ZBTB20: variants seen among roughly 807,000 people sequenced by gnomAD.
ZBTB20 encodes the protein zinc finger and BTB domain containing 20, also known as zinc finger and BTB domain-containing protein 20.
Under a neutral mutation model 56.9 loss-of-function variants are expected in ZBTB20, and 9 were observed. The ratio of observed to expected loss-of-function variants is 0.16; its 90% confidence interval spans 0.10 to 0.28. The LOEUF (loss-of-function observed/expected upper bound fraction) is 0.28. Among genes scored for constraint, ZBTB20 ranks in the 10% least tolerant of loss-of-function variants. The pLI, the probability that ZBTB20 is intolerant of heterozygous loss-of-function variation, is 1.00. For missense variants in ZBTB20, 655 were observed against 1,003.0 expected (o/e 0.65, Z 4.69); for synonymous variants, 417 against 420.7 (o/e 0.99, Z 0.11).
intron 6 of ZBTB20, among the ~76,000 whole-genome samples, chr3:114,644,743 T>C (rs896141279): frequency 6.6e-6 from 1 of 152,098 alleles, no homozygotes; most frequent in African/African-American, 2.4e-5. Context: ...CATCACACAA[T>C]ATTCCTATGG....
At chr3:114,469,785 T>C (rs1284959430) in intron 7 of ZBTB20, among the ~76,000 whole-genome samples, 9 of 152,166 alleles carry the variant, frequency 5.9e-5, no homozygotes, top group Non-Finnish European at 1.3e-4. Flanking sequence ...CTCCCTCTCT[T>C]ATCATGATGT....
intron 2 of ZBTB20, among the ~76,000 whole-genome samples, chr3:115,012,601 C>T (rs145881664): frequency 6.6e-6 from 1 of 151,736 alleles, no homozygotes; most frequent in African/African-American, 2.4e-5. Context: ...TAGAGATAGA[C>T]CCCAATACTA....
intron 1 of ZBTB20, among the ~76,000 whole-genome samples, chr3:115,127,626 A>C (rs1217543105): frequency 1.3e-5 from 2 of 152,140 alleles, no homozygotes; most frequent in Non-Finnish European, 2.9e-5. Flanking sequence ...ATAAATTTTA[A>C]AAAGGAAAAG....
At chr3:114,704,547 C>T (rs1251390282) in intron 5 of ZBTB20, among the ~76,000 whole-genome samples, 1 of 152,084 alleles carries the variant, frequency 6.6e-6, no homozygotes, top group African/African-American at 2.4e-5. Context: ...AACATAGTTA[C>T]ACAGGAAAAA....
chr3:115,079,329 G>A (rs190986118), intron 1 of ZBTB20, among the ~76,000 whole-genome samples: 2 of 152,238 alleles, frequency 1.3e-5, no homozygotes, highest in Non-Finnish European at 2.9e-5. Context: ...TGTGCGCATA[G>A]CTACAAAATA....
At chr3:114,939,025 C>T (rs186848256) in intron 3 of ZBTB20, among the ~76,000 whole-genome samples, 3 of 145,066 alleles carry the variant, frequency 2.1e-5, no homozygotes, top group Admixed American at 6.6e-5. Context: ...TTCAGTCACT[C>T]GGTGGAAGCA....
chr3:114,914,601 T>C (rs1285254657), intron 3 of ZBTB20, among the ~76,000 whole-genome samples: 3 of 152,078 alleles, frequency 2.0e-5, no homozygotes, highest in Non-Finnish European at 4.4e-5. Context: ...AGTTTTATGT[T>C]GAATAACAGT....
intron 5 of ZBTB20, among the ~76,000 whole-genome samples, chr3:114,798,233 G>A (rs2071455488): frequency 1.3e-5 from 2 of 151,498 alleles, no homozygotes; most frequent in African/African-American, 4.9e-5. Flanking sequence ...ATGGTCTTAT[G>A]TCCACTTTGT....
intron 7 of ZBTB20, among the ~76,000 whole-genome samples, chr3:114,426,231 T>C (rs903600188): frequency 1.3e-5 from 2 of 149,638 alleles, no homozygotes; most frequent in African/African-American, 5.0e-5. Context: ...CCCAGCTACT[T>C]GGGAGGCTGA....
intron 1 of ZBTB20, among the ~76,000 whole-genome samples, chr3:115,128,318 G>A (rs772327021): frequency 6.6e-6 from 1 of 152,146 alleles, no homozygotes; most frequent in Non-Finnish European, 1.5e-5. Context: ...AAGAGAATCA[G>A]TTGAGGTAGT....
At chr3:114,554,498 A>C (rs1559953302) in intron 6 of ZBTB20, among the ~76,000 whole-genome samples, 1 of 152,158 alleles carries the variant, frequency 6.6e-6, no homozygotes, top group Admixed American at 6.6e-5. Context: ...GAGAACTCCC[A>C]TCTCTAAGGT....
chr3:114,618,799 A>G (rs1577991649), intron 6 of ZBTB20, among the ~76,000 whole-genome samples: 1 of 152,194 alleles, frequency 6.6e-6, no homozygotes, highest in African/African-American at 2.4e-5. Context: ...TCAATTCACT[A>G]TTGAAAGGAA....
Position 114,350,970 on chromosome 3 carries a change from G to A in ZBTB20, c.1108C>T (p.Pro370Ser). The A allele has an allele frequency of 6.2e-7, 1 of 1,607,704 alleles. No individual in the cohort carries two copies. Among genetic ancestry groups the A allele is most frequent in the Non-Finnish European group, 8.5e-7 (1 of 1,179,856 alleles). Residue 370 changes from proline (P) to serine (S), a missense_variant, in exon 11 of 12, where the codon CCC (proline) becomes TCC (serine). Physicochemically the swap from Pro to Ser is moderately conservative, Grantham distance 74. Around this residue, in one of 10 missense-constraint regions of ZBTB20, gnomAD observed 156 missense variants for 181.0 expected, o/e 0.86. Coordinates refer to ENST00000675478, the MANE Select transcript of ZBTB20 (RefSeq NM_001348800.3). Reference sequence around the variant, plus strand: ...CCCGAGTCGAAGCTTTCACCTTTGGGCTCACTCTCGGTGCCCTCGGCCTGG... The same window carrying A: ...CCCGAGTCGAAGCTTTCACCTTTGGACTCACTCTCGGTGCCCTCGGCCTGG... ...TDQAEGTESE[P>S]KGESFDSGVS...
At chr3:114,347,808 C>T (rs1367183841) in intron 11 of ZBTB20, among the ~76,000 whole-genome samples, 1 of 152,278 alleles carries the variant, frequency 6.6e-6, no homozygotes, top group East Asian at 1.9e-4. Context: ...TTGATATATG[C>T]ACATTATTAT....
intron 3 of ZBTB20, among the ~76,000 whole-genome samples, chr3:114,926,671 T>C (rs555654987): frequency 6.6e-6 from 1 of 152,246 alleles, no homozygotes; most frequent in African/African-American, 2.4e-5. Flanking sequence ...TTTACAGAAA[T>C]ATATGCCATC....
intron 7 of ZBTB20, among the ~76,000 whole-genome samples, chr3:114,447,990 G>C (rs997490831): frequency 6.6e-6 from 1 of 152,182 alleles, no homozygotes; most frequent in African/African-American, 2.4e-5. Flanking sequence ...GAAGTAGAAA[G>C]TCATTGGTTG....
chr3:114,377,239 G>C (rs2083749882), intron 10 of ZBTB20, among the ~76,000 whole-genome samples: 1 of 152,090 alleles, frequency 6.6e-6, no homozygotes, highest in South Asian at 2.1e-4. Flanking sequence ...TTTAGCAATG[G>C]TGAAGAGGTG....
intron 5 of ZBTB20, among the ~76,000 whole-genome samples, chr3:114,773,469 G>A (rs1415664770): frequency 6.6e-6 from 1 of 152,200 alleles, no homozygotes; most frequent in Non-Finnish European, 1.5e-5. Flanking sequence ...CATTTTCCCC[G>A]ATATTCCTTC....
intron 4 of ZBTB20, among the ~76,000 whole-genome samples, chr3:114,859,434 T>C (rs570167246): frequency 6.6e-6 from 1 of 152,102 alleles, no homozygotes; most frequent in Non-Finnish European, 1.5e-5. Context: ...AGTTTCTCTC[T>C]TCTTTCCTTC....
Sources: gnomAD v4.1 joint callset for allele counts (sites outside exome capture counted in the v4.1 genomes callset) on GRCh38, gnomAD v4.1.1 for gene constraint, gnomAD v4.1.1 regional missense constraint, MANE v1.5 for transcripts, NCBI Gene and HGNC (gene_info 2026-07-23, HGNC 2026-07-21) for gene names.